Variants in CNN3 observed in about 807,000 individuals in gnomAD.
The protein encoded by CNN3 is calponin 3.
In CNN3, 11 loss-of-function variants were observed where a neutral mutation model predicts 39.0. The ratio of observed to expected loss-of-function variants is 0.28; its 90% CI spans 0.18 to 0.47. The LOEUF is 0.47. Ranked by LOEUF, CNN3 falls within the 20% of genes least tolerant of loss-of-function variation. CNN3 has a pLI of 0.99. For missense variants in CNN3, 266 were observed against 403.4 expected, an observed-to-expected ratio of 0.66 and a Z score of 2.92; for synonymous variants, 101 against 138.3, an observed-to-expected ratio of 0.73 and a Z score of 1.89.
intron 6 of CNN3, among the ~76,000 whole-genome samples, chr1:94,898,797 A>G (rs1283938591): frequency 6.6e-6 from 1 of 152,188 alleles, no homozygotes; most frequent in East Asian, 1.9e-4. Context: ...TGGACTCGGT[A>G]AGAAAATGTT....
intron 1 of CNN3, among the ~76,000 whole-genome samples, chr1:94,905,166 T>C (rs1365395836): frequency 6.6e-6 from 1 of 152,154 alleles, no homozygotes; most frequent in Admixed American, 6.5e-5. Context: ...TTTACGAACC[T>C]GGCCAGCTTA....
chr1:94,907,729 G>A (rs565179038), intron 1 of CNN3, among the ~76,000 whole-genome samples: 48 of 152,238 alleles, frequency 3.2e-4, no homozygotes, highest in Admixed American at 1.9e-3. Context: ...GTGTGGTGGC[G>A]GGCGCCTGTA....
At chr1:94,899,665 TACAA>T in intron 5 of CNN3, 148 bp from the exon 6 acceptor site, 2 of 733,596 alleles carry the variant, frequency 2.7e-6, no homozygotes, top group East Asian at 2.9e-5. Flanking sequence ...TCTATGTGTC[TACAA>T]ACAAATTTCA....
chr1:94,926,761 C>T lies in CNN3; in HGVS notation c.57+77G>A. On this transcript the variant is annotated intron_variant, in intron 1 of 6. Coordinates refer to ENST00000370206, the MANE Select transcript of CNN3 (RefSeq NM_001839.5). The surrounding 1 kb of genome is among the most constrained non-coding windows in gnomAD (Gnocchi z 4.2). ...AAACGGTGAGCCACAGCGCGAAGAG[C>T]AAACGAAGCACGGCCCAGCGCCAGG... is the stretch of plus-strand genomic sequence containing the variant. 1 of 1,481,430 alleles carries T rather than the reference C, an allele frequency of 6.8e-7. No homozygotes were observed. The highest frequency in any genetic ancestry group is 1.9e-5 in the Admixed American group (1 of 52,124). The allele number at this position is 1,481,430 out of a possible 1,614,324, so 91.8% of individuals were successfully genotyped here. A position where few individuals can be genotyped will look rare whatever the true frequency, so the allele number is the denominator to read the frequency against.
At chr1:94,911,361 A>G (rs887514508) in intron 1 of CNN3, among the ~76,000 whole-genome samples, 3 of 152,260 alleles carry the variant, frequency 2.0e-5, no homozygotes, top group Non-Finnish European at 4.4e-5. Flanking sequence ...GTGTCTTCAG[A>G]TCAAGGTATC....
At chr1:94,913,014 T>C (rs1557913036) in intron 1 of CNN3, among the ~76,000 whole-genome samples, 1 of 152,168 alleles carries the variant, frequency 6.6e-6, no homozygotes, top group Non-Finnish European at 1.5e-5. Flanking sequence ...TTCTCTTCTG[T>C]TTTGGTCATT....
At chr1:94,916,877 T>C (rs1281246425) in intron 1 of CNN3, among the ~76,000 whole-genome samples, 1 of 152,228 alleles carries the variant, frequency 6.6e-6, no homozygotes, top group Admixed American at 6.5e-5. Flanking sequence ...TCAACACTTA[T>C]CCTTCCATCT....
rs1671605727 is a variant in CNN3, at chr1:94,927,005, T to A, written c.-111A>T. On this transcript the variant is annotated 5_prime_UTR_variant, in exon 1 of 7. Coordinates refer to ENST00000370206, the MANE Select transcript of CNN3 (RefSeq NM_001839.5). ...CGCCGCGGGGGATGCTCGAACTCCC[T>A]CCTCTGGGAGGCGCAGGAGACGGCC... The A allele has an allele frequency of 8.1e-7, 1 of 1,236,410 alleles. No homozygotes were observed. Among genetic ancestry groups the A allele is most frequent in the Non-Finnish European group, 1.1e-6 (1 of 880,924 alleles). The allele number at this position is 1,236,410 out of a possible 1,614,324, so 76.6% of individuals were successfully genotyped here. A position where few individuals can be genotyped will look rare whatever the true frequency, so the allele number is the denominator to read the frequency against.
intron 1 of CNN3, among the ~76,000 whole-genome samples, chr1:94,921,493 C>CT (rs367714197): frequency 1.6e-4 from 24 of 152,198 alleles, no homozygotes; most frequent in African/African-American, 5.1e-4. Context: ...ATTGTGCTTA[C>CT]TTTTTTTATG....
intron 1 of CNN3, among the ~76,000 whole-genome samples, chr1:94,916,485 C>A (rs896945602): frequency 6.6e-6 from 1 of 152,142 alleles, no homozygotes; most frequent in African/African-American, 2.4e-5. Flanking sequence ...AATCCAGTGG[C>A]CTGTCTCCAG....
chr1:94,907,445 C>T (rs1232364500), intron 1 of CNN3, among the ~76,000 whole-genome samples: 7 of 152,184 alleles, frequency 4.6e-5, no homozygotes, highest in Non-Finnish European at 7.3e-5. Flanking sequence ...TTTAATTTCT[C>T]AACATCTGGC....
rs532631124 is a variant in CNN3, at chr1:94,911,797, T to C, written c.58-8273A>G. Among the ~76,000 whole-genome samples the C allele has an allele frequency of 1.5e-4, 23 of 152,166 alleles. No individual in the cohort carries two copies. The East Asian group carries it at 4.1e-3, about 27-fold the overall frequency. ...AAAAATATAAATAAGCCAGGCACAGTGGCTCATGCCTGTAGTAATCCCAGC... is the reference window on the plus strand; with the variant it reads ...AAAAATATAAATAAGCCAGGCACAGCGGCTCATGCCTGTAGTAATCCCAGC... On this transcript the variant is annotated intron_variant, in intron 1 of 6. Coordinates refer to ENST00000370206, the MANE Select transcript of CNN3 (RefSeq NM_001839.5).
chr1:94,903,682 C>G (rs1206760344), intron 1 of CNN3, among the ~76,000 whole-genome samples, 158 bp from the exon 2 acceptor site: 1 of 151,410 alleles, frequency 6.6e-6, no homozygotes, highest in East Asian at 1.9e-4. Context: ...ACCGTTACAA[C>G]TTCAGTAACT....
rs1671589819 is a variant in CNN3, at chr1:94,926,606, A to C, written c.57+232T>G. Among the ~76,000 whole-genome samples, 2 of 152,082 alleles carry C rather than the reference A, an allele frequency of 1.3e-5. No homozygotes were observed. The highest frequency in any genetic ancestry group is 2.9e-5 in the Non-Finnish European group (2 of 67,988). ...GGCGCCCGGGAACCCACCGCCAGCC[A>C]CTAGTCCTGTCCCACGGCGCGGGAA... On this transcript the variant is annotated intron_variant, in intron 1 of 6. Transcript: ENST00000370206. The surrounding 1 kb of genome is among the most constrained non-coding windows in gnomAD (Gnocchi z 4.2).
Position 94,901,707 on chromosome 1 carries a change from C to T in CNN3, c.463G>A (p.Gly155Arg). The change falls in exon 5 of 7, where the codon GGA (glycine) becomes AGA (arginine). Residue 155 changes from glycine to arginine, a missense_variant. By Grantham distance (125) the Gly-to-Arg change is moderately radical. Coordinates refer to ENST00000370206, the MANE Select transcript of CNN3 (RefSeq NM_001839.5). Reference sequence around the variant, plus strand: ...ACACTTTGGCCAGCTTTTAATTTTCCTTCATCAAAACGTCTTGTTTGTTTT... The same window carrying T: ...ACACTTTGGCCAGCTTTTAATTTTCTTTCATCAAAACGTCTTGTTTGTTTT... Reference protein sequence around the residue: ...AEKQTRRFDEGKLKAGQSVIG... With the variant: ...AEKQTRRFDERKLKAGQSVIG... 6.2e-7 allele frequency: 1 copy of T among 1,614,026 alleles called. No individual in the cohort carries two copies. Among genetic ancestry groups the T allele is most frequent in the East Asian group, 2.2e-5 (1 of 44,866 alleles).
At chr1:94,914,588 G>A (rs1671238573) in intron 1 of CNN3, among the ~76,000 whole-genome samples, 1 of 152,150 alleles carries the variant, frequency 6.6e-6, no homozygotes, top group Admixed American at 6.5e-5. Flanking sequence ...AAGGAGAAAT[G>A]GGATCTCAGC....
intron 1 of CNN3, among the ~76,000 whole-genome samples, chr1:94,905,188 C>T (rs772326054): frequency 6.6e-6 from 1 of 152,130 alleles, no homozygotes; most frequent in Non-Finnish European, 1.5e-5. Context: ...CTGTAAGTCA[C>T]CCAACAGTGA....
chr1:94,908,270 C>T (rs1671065438), intron 1 of CNN3, among the ~76,000 whole-genome samples: 1 of 152,214 alleles, frequency 6.6e-6, no homozygotes, highest in African/African-American at 2.4e-5. Flanking sequence ...TCCCTACATT[C>T]AGCGATTGGC....
intron 5 of CNN3, among the ~76,000 whole-genome samples, chr1:94,900,734 G>A (rs963390349): frequency 2.6e-5 from 4 of 152,120 alleles, no homozygotes; most frequent in African/African-American, 9.7e-5. Flanking sequence ...TAGCAATGAC[G>A]TTTCCATGAC....
Sources: gnomAD v4.1 joint callset for allele counts (sites outside exome capture counted in the v4.1 genomes callset) on GRCh38, gnomAD v4.1.1 for gene constraint, Gnocchi (gnomAD v3.1) non-coding constraint, MANE v1.5 for transcripts, NCBI Gene and HGNC (gene_info 2026-07-23, HGNC 2026-07-21) for gene names.